The following DYM variants were observed in gnomAD, a reference collection of about 807,000 sequenced individuals.
DYM encodes the protein dyggve-Melchior-Clausen syndrome protein.
Under a neutral mutation model 93.1 loss-of-function variants are expected in DYM, and 78 were observed. That is an observed-to-expected ratio of 0.84 (90% CI 0.70 to 1.01). The LOEUF (loss-of-function observed/expected upper bound fraction) is 1.01. DYM is among the 50% of genes least tolerant of loss of function. The pLI is 0.00. For synonymous variants in DYM, 321 were observed against 319.7 expected, an observed-to-expected ratio of 1.00 and a Z score of -0.04; for missense variants, 789 against 845.0, an observed-to-expected ratio of 0.93 and a Z score of 0.82.
chr18:49,049,774 C>T (rs1186905103), intron 17 of DYM: 1 of 154,308 alleles, frequency 6.5e-6, no homozygotes, highest in Non-Finnish European at 1.5e-5. Context: ...ATTACAGAGC[C>T]CATTTCTCTT....
intron 15 of DYM, among the ~76,000 whole-genome samples, chr18:49,148,949 A>G (rs2085483670): frequency 6.6e-6 from 1 of 152,168 alleles, no homozygotes; most frequent in Non-Finnish European, 1.5e-5. Context: ...TTCTATTATT[A>G]TTACATTGTA....
At chr18:49,331,553 T>C (rs530418285) in intron 8 of DYM, among the ~76,000 whole-genome samples, 3 of 152,378 alleles carry the variant, frequency 2.0e-5, no homozygotes, top group East Asian at 1.9e-4. Flanking sequence ...AGTAGTGTTA[T>C]AAGTTTTCAA....
intron 14 of DYM, chr18:49,206,505 A>G (rs1007533131): frequency 6.6e-6 from 1 of 152,232 alleles, no homozygotes; most frequent in Admixed American, 6.5e-5. Context: ...CCACCTGGCC[A>G]TGTGTCACTG....
At chr18:49,242,078 C>T (rs891288674) in intron 13 of DYM, among the ~76,000 whole-genome samples, 1 of 152,156 alleles carries the variant, frequency 6.6e-6, no homozygotes, top group Non-Finnish European at 1.5e-5. Flanking sequence ...TCTCACCCCA[C>T]CCCACCATTC....
At chr18:49,398,235 T>C (rs1455928437) in intron 2 of DYM, among the ~76,000 whole-genome samples, 1 of 152,140 alleles carries the variant, frequency 6.6e-6, no homozygotes, top group East Asian at 1.9e-4. Context: ...TATTAGATAT[T>C]TATAAGGTGT....
chr18:49,197,284 T>C (rs1181442513), intron 14 of DYM, among the ~76,000 whole-genome samples: 1 of 129,276 alleles, frequency 7.7e-6, no homozygotes, highest in Non-Finnish European at 1.7e-5. Flanking sequence ...AGAGTTTAAG[T>C]ACAGAAAAGG....
intron 1 of DYM, among the ~76,000 whole-genome samples, chr18:49,441,744 G>C (rs1406601035): frequency 6.6e-6 from 1 of 152,054 alleles, no homozygotes; most frequent in East Asian, 1.9e-4. Context: ...CCAACAAGAA[G>C]GAAGGCAATT....
At chr18:49,359,155 A>G (rs2065816410) in intron 6 of DYM, among the ~76,000 whole-genome samples, 1 of 152,172 alleles carries the variant, frequency 6.6e-6, no homozygotes, top group Non-Finnish European at 1.5e-5. Context: ...TCTTGAGGAA[A>G]ATACCTTTAT....
chr18:49,216,031 T>C (rs2093020475), intron 13 of DYM, among the ~76,000 whole-genome samples: 3 of 152,058 alleles, frequency 2.0e-5, no homozygotes, highest in Non-Finnish European at 1.5e-5. Flanking sequence ...ACCTGGAAAA[T>C]CGGGTCAATC....
intron 15 of DYM, among the ~76,000 whole-genome samples, chr18:49,157,621 T>A (rs1213999416): frequency 6.6e-6 from 1 of 152,172 alleles, no homozygotes; most frequent in African/African-American, 2.4e-5. Flanking sequence ...TAAAATTCCA[T>A]TATCTTTTTA....
intron 6 of DYM, among the ~76,000 whole-genome samples, chr18:49,334,710 T>C (rs753617033): frequency 1.3e-5 from 2 of 152,242 alleles, no homozygotes; most frequent in African/African-American, 4.8e-5. Context: ...ACTTAACACC[T>C]ACTTAAATGA....
intron 15 of DYM, among the ~76,000 whole-genome samples, chr18:49,145,737 G>A (rs776222588): frequency 2.0e-5 from 3 of 152,100 alleles, no homozygotes; most frequent in Non-Finnish European, 4.4e-5. Context: ...ATGTACCAAA[G>A]CTTATTCAAC....
intron 17 of DYM, among the ~76,000 whole-genome samples, chr18:49,086,353 A>G (rs140557938): frequency 3.2e-4 from 49 of 152,308 alleles, no homozygotes; most frequent in Non-Finnish European, 6.5e-4. Flanking sequence ...CCTCTTATAA[A>G]GCCACAAGTC....
At chr18:49,140,465 G>T (rs1823179) in intron 15 of DYM, among the ~76,000 whole-genome samples, 151,545 of 152,294 alleles carry the variant, frequency 1, 75,408 homozygotes, top group Middle Eastern at 1. Context: ...ATGAGGCCAT[G>T]TGGAGCTTCC....
chr18:49,404,006 T>G (rs928751751), intron 2 of DYM, among the ~76,000 whole-genome samples: 3 of 151,080 alleles, frequency 2.0e-5, no homozygotes, highest in Non-Finnish European at 4.4e-5. Context: ...CTGTTTTTTT[T>G]TTGTTTGTTT....
chr18:49,430,633 T>C (rs1411021910), intron 1 of DYM, among the ~76,000 whole-genome samples, 186 bp from the exon 2 acceptor site: 1 of 152,120 alleles, frequency 6.6e-6, no homozygotes, highest in Non-Finnish European at 1.5e-5. Flanking sequence ...ACGCCTGTAA[T>C]CCCAACACTT....
intron 2 of DYM, among the ~76,000 whole-genome samples, chr18:49,399,136 G>A (rs2070469143): frequency 6.6e-6 from 1 of 152,160 alleles, no homozygotes; most frequent in African/African-American, 2.4e-5. Flanking sequence ...ATGGAGGAAT[G>A]AAAAAGCAGA....
chr18:49,244,684 C>T (rs566316347), intron 13 of DYM, among the ~76,000 whole-genome samples: 16 of 152,130 alleles, frequency 1.1e-4, no homozygotes, highest in South Asian at 2.1e-4. Flanking sequence ...ATGTGTGTGA[C>T]GGATACCAGC....
At chr18:49,228,784 G>A (rs2093614910) in intron 13 of DYM, among the ~76,000 whole-genome samples, 1 of 152,132 alleles carries the variant, frequency 6.6e-6, no homozygotes. Flanking sequence ...AAGAGATCAT[G>A]ATGGGGGTTG....
Sources: allele counts gnomAD v4.1 joint callset (sites outside exome capture counted in the v4.1 genomes callset), GRCh38; gene constraint gnomAD v4.1.1; transcripts MANE v1.5; gene names NCBI Gene and HGNC (gene_info 2026-07-23, HGNC 2026-07-21).